Variants in BCAS3 observed in about 807,000 individuals in gnomAD.
BCAS3 encodes BCAS4/BCAS3 fusion.
A neutral mutation model predicts 116.1 loss-of-function variants in BCAS3; 53 were observed. The observed-to-expected ratio is 0.46, with a 90% CI of 0.37 to 0.57. The LOEUF (loss-of-function observed/expected upper bound fraction) is 0.57, where lower values mean the gene tolerates loss of function less well. Ranked by LOEUF, BCAS3 falls within the 20% of genes least tolerant of loss-of-function variation. BCAS3 has a pLI of 0.00. For synonymous variants in BCAS3, 391 were observed against 408.2 expected, an observed-to-expected ratio of 0.96 and a Z score of 0.51; for missense variants, 917 against 1,165.4, an observed-to-expected ratio of 0.79 and a Z score of 3.10.
intron 6 of BCAS3, among the ~76,000 whole-genome samples, chr17:60,765,415 G>A (rs1306955544): frequency 6.6e-6 from 1 of 152,126 alleles, no homozygotes; most frequent in Non-Finnish European, 1.5e-5. Flanking sequence ...GCATTTGCTT[G>A]TCTGTAAAGG....
At chr17:60,831,655 C>CGT (rs2050944811) in intron 7 of BCAS3, among the ~76,000 whole-genome samples, 1 of 151,786 alleles carries the variant, frequency 6.6e-6, no homozygotes, top group African/African-American at 2.4e-5. Flanking sequence ...AGCCTCCCTA[C>CGT]GTGTGTGTGG....
At chr17:60,799,786 C>T (rs1427781787) in intron 6 of BCAS3, among the ~76,000 whole-genome samples, 1 of 139,622 alleles carries the variant, frequency 7.2e-6, no homozygotes, top group Non-Finnish European at 1.5e-5. Context: ...GAATTCCTGA[C>T]CTCAAATGAT....
rs1276437558 is a variant in BCAS3, at chr17:61,256,631, C to T, written c.2426-111696C>T. On this transcript the variant is annotated intron_variant, in intron 22 of 23. Transcript: ENST00000407086. The surrounding 1 kb of genome is among the most constrained non-coding windows in gnomAD (Gnocchi z 5.6). ...TTGGTTTTGTTTAGGTGTCTTTGTC[C>T]ATGGAGTGCTATGTGTCCAGGGTTG... Among the ~76,000 whole-genome samples the T allele has an allele frequency of 6.6e-6, 1 of 152,086 alleles. No homozygotes were observed. The highest frequency in any genetic ancestry group is 1.5e-5 in the Non-Finnish European group (1 of 67,996).
chr17:61,205,825 G>C lies in BCAS3; in HGVS notation c.2425+121261G>C, dbSNP rs2081088314. ...AGTTTTGCCAGGCAAGGACTGAATA[G>C]GTGAATAGTCATTGTATTCTTAGGG... On this transcript the variant is annotated intron_variant, in intron 22 of 23. Coordinates refer to ENST00000407086, the MANE Select transcript of BCAS3 (RefSeq NM_017679.5). The surrounding 1 kb of genome is among the most constrained non-coding windows in gnomAD (Gnocchi z 5.2). Among the ~76,000 whole-genome samples the C allele has an allele frequency of 6.6e-6, 1 of 152,196 alleles. No homozygotes were observed. The highest frequency in any genetic ancestry group is 2.4e-5 in the African/African-American group (1 of 41,446).
chr17:60,766,817 G>A (rs1393858912), intron 6 of BCAS3, among the ~76,000 whole-genome samples: 1 of 152,222 alleles, frequency 6.6e-6, no homozygotes, highest in Non-Finnish European at 1.5e-5. Flanking sequence ...AGTCTACAGA[G>A]GCAGGCGGGC....
intron 7 of BCAS3, among the ~76,000 whole-genome samples, chr17:60,822,911 A>G (rs2050083753): frequency 6.6e-6 from 1 of 152,226 alleles, no homozygotes; most frequent in Non-Finnish European, 1.5e-5. Context: ...GAAATACCAC[A>G]TGGAGAAAGA....
At chr17:60,744,131 C>G (rs1452104705) in intron 5 of BCAS3, among the ~76,000 whole-genome samples, 1 of 152,186 alleles carries the variant, frequency 6.6e-6, no homozygotes, top group Non-Finnish European at 1.5e-5. Flanking sequence ...GCTCTTCTCC[C>G]CAAGTTACCA....
In BCAS3 at chr17:61,020,895, T is replaced by A. The variant is rs1315483384; in HGVS notation, c.1637+4994T>A. On this transcript the variant is annotated intron_variant, in intron 16 of 23. Transcript: ENST00000407086. The surrounding 1 kb of genome is among the most constrained non-coding windows in gnomAD (Gnocchi z 4.5). ...GGTAGTTCCGTGGGAATAAAAAATATTAAAATTGAAAATGAAGTTACTTCC... is the reference window on the plus strand; with the variant it reads ...GGTAGTTCCGTGGGAATAAAAAATAATAAAATTGAAAATGAAGTTACTTCC... 6.6e-6 allele frequency among the ~76,000 whole-genome samples: 1 copy of A among 152,134 alleles called. No homozygotes were observed. The highest frequency in any genetic ancestry group is 2.4e-5 in the African/African-American group (1 of 41,420).
intron 22 of BCAS3, among the ~76,000 whole-genome samples, chr17:61,167,745 A>C (rs1361138888): frequency 6.6e-6 from 1 of 152,238 alleles, no homozygotes; most frequent in Non-Finnish European, 1.5e-5. Flanking sequence ...CCTGTTTATC[A>C]GGACTGGGGC....
Position 61,073,230 on chromosome 17 carries a change from G to C in BCAS3, c.2030-1690G>C, listed in dbSNP as rs1007449047. On this transcript the variant is annotated intron_variant, in intron 19 of 23. Transcript: ENST00000407086. The surrounding 1 kb of genome is among the most constrained non-coding windows in gnomAD (Gnocchi z 4.6). ...GTGATCATTTGTGTTTTGTACAAAT[G>C]CCACCATGCCGCTTGGCTGTAGAAC... Among the ~76,000 whole-genome samples the C allele has an allele frequency of 6.6e-6, 1 of 152,142 alleles. No homozygotes were observed. The highest frequency in any genetic ancestry group is 6.5e-5 in the Admixed American group (1 of 15,276).
Position 60,964,618 on chromosome 17 carries a change from ATTC to A in BCAS3, c.1221+17272_1221+17274del, listed in dbSNP as rs1325077815. ...AAGAGTTTGAGTACAATTGGTATTA[ATTC>A]TTCTTTAAATGTTTGGTAGAATTCA... is the stretch of plus-strand genomic sequence containing the variant. On this transcript the variant is annotated intron_variant, in intron 14 of 23. Coordinates refer to ENST00000407086, the MANE Select transcript of BCAS3 (RefSeq NM_017679.5). The surrounding 1 kb of genome is among the most constrained non-coding windows in gnomAD (Gnocchi z 4.6). Among the ~76,000 whole-genome samples the A allele has an allele frequency of 3.3e-5, 5 of 152,142 alleles. No homozygotes were observed. The highest frequency in any genetic ancestry group is 9.7e-5 in the African/African-American group (4 of 41,434).
intron 19 of BCAS3, among the ~76,000 whole-genome samples, chr17:61,050,409 G>A (rs1464690877): frequency 6.6e-6 from 1 of 151,918 alleles, no homozygotes; most frequent in African/African-American, 2.4e-5. Context: ...CTACGCATGT[G>A]TGTATATATA....
chr17:61,353,091 G>C (rs1176812748), intron 22 of BCAS3, among the ~76,000 whole-genome samples: 1 of 152,158 alleles, frequency 6.6e-6, no homozygotes, highest in Non-Finnish European at 1.5e-5. Flanking sequence ...CTGCTGGATA[G>C]ACAAGCCGGA....
In BCAS3 at chr17:61,087,137, G is replaced by T. The variant is rs1030581125; in HGVS notation, c.2425+2573G>T. On this transcript the variant is annotated intron_variant, in intron 22 of 23. Coordinates refer to ENST00000407086, the MANE Select transcript of BCAS3 (RefSeq NM_017679.5). This position sits in a 1 kb window ranked among gnomAD's most constrained non-coding sequence, Gnocchi z 4.6. ...CTAATAAATTTTTATAATTGCTCTTGAACCGGGAAGTGCACCTCTGATTAT... is the reference window on the plus strand; with the variant it reads ...CTAATAAATTTTTATAATTGCTCTTTAACCGGGAAGTGCACCTCTGATTAT... 2.0e-6 allele frequency: 2 copies of T among 985,168 alleles called. No individual in the cohort carries two copies. The highest frequency in any genetic ancestry group is 3.5e-5 in the African/African-American group (2 of 57,206). The allele number at this position is 985,168 out of a possible 1,614,324, so 61.0% of individuals were successfully genotyped here. A position where few individuals can be genotyped will look rare whatever the true frequency, so the allele number is the denominator to read the frequency against.
At chr17:61,044,086 G>GT (rs1231444362) in intron 19 of BCAS3, among the ~76,000 whole-genome samples, 2 of 151,802 alleles carry the variant, frequency 1.3e-5, no homozygotes, top group African/African-American at 2.4e-5. Flanking sequence ...TTATTTTGAT[G>GT]TTTAATATTA....
chr17:61,373,492 C>G (rs545333759), intron 23 of BCAS3, among the ~76,000 whole-genome samples: 1 of 148,958 alleles, frequency 6.7e-6, no homozygotes, highest in Non-Finnish European at 1.5e-5. Flanking sequence ...TGCTGTGGCA[C>G]GATCTCGGCT....
intron 22 of BCAS3, among the ~76,000 whole-genome samples, chr17:61,170,790 A>G (rs943986443): frequency 6.6e-6 from 1 of 152,166 alleles, no homozygotes; most frequent in East Asian, 1.9e-4. Flanking sequence ...GAGGAGGCCA[A>G]GGTGGCTAGA....
chr17:61,163,293 G>A (rs2078274027), intron 22 of BCAS3, among the ~76,000 whole-genome samples: 2 of 139,162 alleles, frequency 1.4e-5, no homozygotes, highest in South Asian at 2.8e-4. Context: ...GCGTGGTGGT[G>A]GGCGCCTGTA....
At chr17:61,176,792 C>T (rs1465669413) in intron 22 of BCAS3, among the ~76,000 whole-genome samples, 1 of 152,114 alleles carries the variant, frequency 6.6e-6, no homozygotes, top group Non-Finnish European at 1.5e-5. Flanking sequence ...AACTCCTGGG[C>T]TCCAGTGATC....
Sources: allele counts gnomAD v4.1 joint callset (sites outside exome capture counted in the v4.1 genomes callset), GRCh38; gene constraint gnomAD v4.1.1; non-coding constraint Gnocchi (gnomAD v3.1); transcripts MANE v1.5; gene names NCBI Gene and HGNC (gene_info 2026-07-23, HGNC 2026-07-21).